The following SDE2 variants were observed in gnomAD, a reference collection of about 807,000 sequenced individuals.
SDE2 encodes splicing regulator SDE2.
In SDE2, 31 loss-of-function variants were observed where a neutral mutation model predicts 46.9. That is an observed-to-expected ratio of 0.66 (90% CI 0.50 to 0.89). SDE2 has a LOEUF of 0.89. Ranked by LOEUF, SDE2 falls within the 40% of genes least tolerant of loss-of-function variation. The probability of loss-of-function intolerance (pLI) is 0.00; values close to 1 mark genes in which losing one functional copy is unlikely to be tolerated. For synonymous variants in SDE2, 205 were observed against 204.3 expected, an observed-to-expected ratio of 1.00 and a Z score of -0.03; for missense variants, 542 against 564.4, an observed-to-expected ratio of 0.96 and a Z score of 0.40.
At position 225,988,062 on chromosome 1, in the gene SDE2, T is replaced by C. The variant is rs113721886; in HGVS notation, c.968A>G (p.Lys323Arg). The change falls in exon 6 of 7, where the codon AAG becomes AGG. Residue 323 changes from lysine (K) to arginine (R), a missense_variant. Physicochemically the swap from Lys to Arg is conservative, Grantham distance 26. Coordinates refer to ENST00000272091, the MANE Select transcript of SDE2 (RefSeq NM_152608.4). ...VTETEETQEK[K>R]AESKEPIEEE... The stretch of plus-strand genomic sequence containing the variant: ...TTCTATGGGTTCTTTACTCTCTGCC[T>C]TCTTCTCCTGGGTCTCTTCTGTTTC... 6.2e-7 allele frequency: 1 copy of C among 1,614,102 alleles called. No homozygotes were observed. The highest frequency in any genetic ancestry group is 8.5e-7 in the Non-Finnish European group (1 of 1,179,942).
At chr1:225,997,821 G>A (rs1230845047) in intron 1 of SDE2, among the ~76,000 whole-genome samples, 1 of 152,148 alleles carries the variant, frequency 6.6e-6, no homozygotes, top group Non-Finnish European at 1.5e-5. Context: ...TGGATCAATT[G>A]TCAGCAAGTT....
In SDE2 at chr1:225,985,472, G is replaced by C; in HGVS notation, c.1186C>G (p.Leu396Val). 3 of 1,614,034 alleles carry C rather than the reference G, an allele frequency of 1.9e-6. No individual in the cohort carries two copies. The highest frequency in any genetic ancestry group is 2.5e-6 in the Non-Finnish European group (3 of 1,179,880). ...DLLAFTSVAE[L>V]ELLGLEKLKC... ...AGCTTCTCCAAACCCAGCAACTCCAGTTCTGCAACAGAGGTGAACGCCAAT... is the reference window on the plus strand; with the variant it reads ...AGCTTCTCCAAACCCAGCAACTCCACTTCTGCAACAGAGGTGAACGCCAAT... The change falls in exon 7 of 7, where the codon CTG becomes GTG. Residue 396 changes from leucine to valine, a missense_variant. Leu to Val is a conservative substitution (Grantham distance 32, BLOSUM62 1). This residue lies in a region of SDE2 where 401 missense variants were observed against 437.8 expected (regional missense o/e 0.92). Coordinates refer to ENST00000272091, the MANE Select transcript of SDE2 (RefSeq NM_152608.4).
rs1558083517 is a variant in SDE2, at chr1:225,988,186, GTT to G, written c.842_843del (p.Gln281ProfsTer7). ...CCAGAGTCAGTCACCGGGATCTGCAGTTGTTCTGGTGATCCATGGTCTGTATT... is the reference window on the plus strand; with the variant it reads ...CCAGAGTCAGTCACCGGGATCTGCAGGTTCTGGTGATCCATGGTCTGTATT... ...VVNTDHGSPE[Q>X]LQIPVTDSGR... On this transcript the variant is annotated frameshift_variant, in exon 6 of 7. Coordinates refer to ENST00000272091, the MANE Select transcript of SDE2 (RefSeq NM_152608.4). LOFTEE classifies it high-confidence loss of function. 7 of 1,613,982 alleles carry G rather than the reference GTT, an allele frequency of 4.3e-6. No homozygotes were observed. Among genetic ancestry groups the G allele is most frequent in the African/African-American group, 1.3e-5 (1 of 74,902 alleles).
At chr1:225,992,711 T>C in intron 3 of SDE2, 144 bp from the exon 4 acceptor site, 2 of 671,836 alleles carry the variant, frequency 3.0e-6, no homozygotes, top group East Asian at 2.7e-5. Context: ...TACTAGCATA[T>C]GGTACTGAAC....
intron 5 of SDE2, among the ~76,000 whole-genome samples, chr1:225,990,473 T>C (rs1656374215): frequency 6.6e-6 from 1 of 152,144 alleles, no homozygotes; most frequent in Non-Finnish European, 1.5e-5. Flanking sequence ...GATGGTAACG[T>C]GACTATATAG....
intron 6 of SDE2, among the ~76,000 whole-genome samples, chr1:225,985,932 T>C (rs936094524): frequency 6.6e-6 from 1 of 152,210 alleles, no homozygotes; most frequent in African/African-American, 2.4e-5. Flanking sequence ...ATCTTAATGC[T>C]TTCTATTCTA....
intron 5 of SDE2, among the ~76,000 whole-genome samples, chr1:225,990,200 T>C (rs780658745): frequency 1.3e-5 from 2 of 151,954 alleles, no homozygotes; most frequent in African/African-American, 4.8e-5. Flanking sequence ...ATTCACACCA[T>C]GAAACGATAC....
At chr1:225,994,064 T>G (rs1656464872) in intron 2 of SDE2, among the ~76,000 whole-genome samples, 1 of 150,610 alleles carries the variant, frequency 6.6e-6, no homozygotes, top group Non-Finnish European at 1.5e-5. Flanking sequence ...CCACCATGCC[T>G]GGCCACATGC....
At chr1:225,985,932 TTTCTA>T (rs1342238106) in intron 6 of SDE2, among the ~76,000 whole-genome samples, 3 of 152,210 alleles carry the variant, frequency 2.0e-5, no homozygotes, top group East Asian at 1.9e-4. Flanking sequence ...ATCTTAATGC[TTTCTA>T]TTCTAATTGA....
intron 6 of SDE2, among the ~76,000 whole-genome samples, chr1:225,986,743 A>G (rs1007095068): frequency 6.6e-6 from 1 of 152,238 alleles, no homozygotes; most frequent in African/African-American, 2.4e-5. Context: ...CTGTATACAC[A>G]TAACACAAAA....
Position 225,988,398 on chromosome 1 carries a change from G to A in SDE2, c.642-10C>T. ...TCCCTCCATGCCCAACCTGTCAGAA[G>A]CAACAGAAAGGTTTAACAGCGTTTG... On this transcript the variant is annotated splice_polypyrimidine_tract_variant and intron_variant, in intron 5 of 6. Coordinates refer to ENST00000272091, the MANE Select transcript of SDE2 (RefSeq NM_152608.4). 1.2e-6 allele frequency: 2 copies of A among 1,613,122 alleles called. No individual in the cohort carries two copies. Among genetic ancestry groups the A allele is most frequent in the Non-Finnish European group, 1.7e-6 (2 of 1,179,262 alleles).
At position 225,991,301 on chromosome 1, in the gene SDE2, AT is replaced by A; in HGVS notation, c.582del (p.Gln194HisfsTer27). 3.1e-6 allele frequency: 5 copies of A among 1,613,884 alleles called. No homozygotes were observed. Among genetic ancestry groups the A allele is most frequent in the Non-Finnish European group, 4.2e-6 (5 of 1,179,788 alleles). On this transcript the variant is annotated frameshift_variant, in exon 5 of 7. Coordinates refer to ENST00000272091, the MANE Select transcript of SDE2 (RefSeq NM_152608.4). LOFTEE classifies it high-confidence loss of function. ...CTGTCTGTTTGAGATTTAGTAGGCC[AT>A]TGCCGTTTCCGATTCTCACTGATTT... ...SAEISENRKR[Q>X]WPTKSQTDRG...
chr1:225,986,037 A>C (rs949021653), intron 6 of SDE2, among the ~76,000 whole-genome samples: 1 of 152,178 alleles, frequency 6.6e-6, no homozygotes, highest in Admixed American at 6.6e-5. Flanking sequence ...CTACCCACCA[A>C]GTGCCTTTAT....
In SDE2 at chr1:225,983,349, A is replaced by C. The variant is rs768713567; in HGVS notation, c.*1953T>G. 1.3e-5 allele frequency: 2 copies of C among 152,228 alleles called. No homozygotes were observed. The highest frequency in any genetic ancestry group is 2.9e-5 in the Non-Finnish European group (2 of 68,036). 9.4% of individuals were successfully genotyped at this position (152,228 alleles called of 1,614,324 possible). On this transcript the variant is annotated 3_prime_UTR_variant, in exon 7 of 7. Coordinates refer to ENST00000272091, the MANE Select transcript of SDE2 (RefSeq NM_152608.4). Reference sequence around the variant, plus strand: ...TCAATACATTAGGAAGACATAAGTTATTAGAGCTTCATACAAAAACTGGTA... The same window carrying C: ...TCAATACATTAGGAAGACATAAGTTCTTAGAGCTTCATACAAAAACTGGTA...
chr1:225,990,181 CTG>C (rs1358173994), intron 5 of SDE2, among the ~76,000 whole-genome samples: 3 of 151,646 alleles, frequency 2.0e-5, no homozygotes, highest in Non-Finnish European at 2.9e-5. Flanking sequence ...GATAAACAAA[CTG>C]TGGTACATTC....
intron 1 of SDE2, among the ~76,000 whole-genome samples, chr1:225,996,566 C>T (rs1029056174): frequency 6.6e-6 from 1 of 152,092 alleles, no homozygotes; most frequent in Non-Finnish European, 1.5e-5. Flanking sequence ...TGCTTTTAAC[C>T]ATTTGTGCAT....
intron 6 of SDE2, 50 bp downstream of exon 6, chr1:225,987,846 T>G: frequency 1.3e-6 from 2 of 1,496,568 alleles, no homozygotes; most frequent in Non-Finnish European, 1.8e-6. Context: ...TGACTTATTG[T>G]GGAGATTAAA....
chr1:225,996,034 C>T (rs959370803), intron 1 of SDE2, among the ~76,000 whole-genome samples: 1 of 152,140 alleles, frequency 6.6e-6, no homozygotes, highest in African/African-American at 2.4e-5. Context: ...TACAGAATTA[C>T]CAAGCAGCAC....
chr1:225,991,777 ATCAT>A (rs1656406277), intron 4 of SDE2, among the ~76,000 whole-genome samples: 1 of 152,260 alleles, frequency 6.6e-6, no homozygotes, highest in South Asian at 2.1e-4. Flanking sequence ...GTTAATGAGA[ATCAT>A]TCACATTAAA....
Sources: allele counts gnomAD v4.1 joint callset (sites outside exome capture counted in the v4.1 genomes callset), GRCh38; gene constraint gnomAD v4.1.1; regional missense constraint gnomAD v4.1.1; transcripts MANE v1.5; gene names NCBI Gene and HGNC (gene_info 2026-07-23, HGNC 2026-07-21).